Variants in SLC5A11 observed in about 807,000 individuals in gnomAD.
SLC5A11 encodes sodium/myo-inositol cotransporter 2.
SLC5A11 carries 48 observed loss-of-function variants against 69.8 expected under a neutral mutation model. The observed-to-expected ratio is 0.69, with a 90% CI of 0.55 to 0.87. The LOEUF (loss-of-function observed/expected upper bound fraction) is 0.87, where lower values mean the gene tolerates loss of function less well. Among genes scored for constraint, SLC5A11 ranks in the 40% least tolerant of loss-of-function variants. The pLI is 0.00. For synonymous variants in SLC5A11, 319 were observed against 342.4 expected, an observed-to-expected ratio of 0.93 and a Z score of 0.75; for missense variants, 784 against 866.1, an observed-to-expected ratio of 0.91 and a Z score of 1.19.
At chr16:24,907,119 C>T (rs1281698073) in exon 12 of SLC5A11, 2 of 1,614,152 alleles carry the variant, frequency 1.2e-6, no homozygotes, top group Admixed American at 1.7e-5. Flanking sequence ...TCACCATGGA[C>T]CTCTGGAATC....
intron 9 of SLC5A11, 148 bp from the exon 11 acceptor site, chr16:24,897,826 A>T: frequency 1.0e-6 from 1 of 974,126 alleles, no homozygotes; most frequent in Non-Finnish European, 1.5e-6. Flanking sequence ...TATGGAGGAA[A>T]CTGCCCCCAT....
chr16:24,847,329 ATTAT>A (rs2059071886), intron 1 of SLC5A11, among the ~76,000 whole-genome samples: 2 of 68,674 alleles, frequency 2.9e-5, no homozygotes, highest in African/African-American at 5.8e-5. Context: ...TCTCTCTTTT[ATTAT>A]TTATTTCTTC....
At chr16:24,892,820 T>TCCTTTGAGC (rs2048902223) in intron 9 of SLC5A11, among the ~76,000 whole-genome samples, 1 of 152,088 alleles carries the variant, frequency 6.6e-6, no homozygotes, top group Non-Finnish European at 1.5e-5. Flanking sequence ...AGGCCAGCCC[T>TCCTTTGAGC]CCTTTGAGCG....
intron 7 of SLC5A11, among the ~76,000 whole-genome samples, chr16:24,883,518 C>T (rs1246400977): frequency 6.6e-6 from 1 of 152,184 alleles, no homozygotes. Flanking sequence ...TTATTATTCC[C>T]CACAAGTCCA....
intron 7 of SLC5A11, among the ~76,000 whole-genome samples, chr16:24,877,588 G>A (rs1174038948): frequency 6.6e-6 from 1 of 152,224 alleles, no homozygotes; most frequent in South Asian, 2.1e-4. Flanking sequence ...GGTGGCTCAT[G>A]CCCGTAATCC....
chr16:24,847,144 T>C (rs1310051108), intron 1 of SLC5A11, among the ~76,000 whole-genome samples: 1 of 152,084 alleles, frequency 6.6e-6, no homozygotes, highest in African/African-American at 2.4e-5. Flanking sequence ...TCTTTCTTTC[T>C]TTTTCTTTCT....
chr16:24,906,963 C>T lies in SLC5A11; in HGVS notation c.1115-62C>T, dbSNP rs548063260. On this transcript the variant is annotated intron_variant, in intron 11 of 15. Transcript: ENST00000347898. ...AGGTTCTGCCTCCTCCAGTTGAGCC[C>T]ACTGGGATCGGCTGCTTTGGCAGAA... 3.2e-6 allele frequency: 5 copies of T among 1,584,094 alleles called. No homozygotes were observed. In the South Asian group the frequency reaches 4.6e-5, roughly 15 times the overall value.
At chr16:24,906,940 G>A in intron 11 of SLC5A11, 85 bp from the exon 13 acceptor site, 1 of 1,557,628 alleles carries the variant, frequency 6.4e-7, no homozygotes, top group Non-Finnish European at 8.7e-7. Context: ...CCTCCCTGAG[G>A]TTCTGCCTCC....
intron 2 of SLC5A11, among the ~76,000 whole-genome samples, chr16:24,861,033 C>T (rs927522553): frequency 6.6e-6 from 1 of 151,600 alleles, no homozygotes; most frequent in Non-Finnish European, 1.5e-5. Flanking sequence ...ATTTATCTTA[C>T]AATGAATGAG....
chr16:24,849,982 G>T (rs2059232827), intron 1 of SLC5A11, among the ~76,000 whole-genome samples: 1 of 151,904 alleles, frequency 6.6e-6, no homozygotes. Flanking sequence ...TTGAGACAGG[G>T]TCTGGAGTGC....
intron 5 of SLC5A11, among the ~76,000 whole-genome samples, chr16:24,873,681 A>G (rs1217123749): frequency 6.6e-6 from 1 of 151,356 alleles, no homozygotes; most frequent in African/African-American, 2.4e-5. Flanking sequence ...AAAAATCACA[A>G]TGCCTTCCCT....
In SLC5A11 at chr16:24,891,013, C is replaced by T. The variant is rs201564571; in HGVS notation, c.809C>T (p.Pro270Leu). The change falls in exon 9 of 16, where the codon CCG becomes CTG. Residue 270 changes from proline to leucine, a missense_variant. Physicochemically the swap from Pro to Leu is moderately conservative, Grantham distance 98. Transcript: ENST00000347898. ...CGAGATCCGCTGACATCTGATCTCCCGTGGCCGGGGGTCCTATTTGGAATG... is the reference window on the plus strand; with the variant it reads ...CGAGATCCGCTGACATCTGATCTCCTGTGGCCGGGGGTCCTATTTGGAATG... 90 of 1,614,182 alleles carry T rather than the reference C, an allele frequency of 5.6e-5. No homozygotes were observed. In the East Asian group the frequency reaches 1.0e-3, roughly 18 times the overall value.
At chr16:24,879,162 A>G (rs551283007) in intron 7 of SLC5A11, among the ~76,000 whole-genome samples, 2 of 152,160 alleles carry the variant, frequency 1.3e-5, no homozygotes, top group African/African-American at 4.8e-5. Flanking sequence ...TTTACATAGA[A>G]TATTCAGCTA....
At chr16:24,910,172 G>A (rs547013697) in intron 14 of SLC5A11, 134 bp from the exon 16 acceptor site, 6 of 721,142 alleles carry the variant, frequency 8.3e-6, no homozygotes, top group African/African-American at 7.1e-5. Context: ...TGGAGGATGG[G>A]GTGGGAGGGT....
chr16:24,849,396 A>G (rs946736714), intron 1 of SLC5A11, among the ~76,000 whole-genome samples: 1 of 151,094 alleles, frequency 6.6e-6, no homozygotes, highest in East Asian at 1.9e-4. Flanking sequence ...GTGAAACCCC[A>G]TCTCTACTAA....
chr16:24,907,842 C>T, intron 12 of SLC5A11, 121 bp from the exon 14 acceptor site: 3 of 1,308,586 alleles, frequency 2.3e-6, no homozygotes, highest in South Asian at 2.7e-5. Context: ...GCTATGCTCT[C>T]ACCACTGCAC....
exon 16 of SLC5A11, chr16:24,911,397 G>A: frequency 1.2e-6 from 2 of 1,614,082 alleles, no homozygotes; most frequent in East Asian, 2.2e-5. Context: ...CAGGAGAAGG[G>A]CAAGGAAGAG....
intron 1 of SLC5A11, among the ~76,000 whole-genome samples, chr16:24,853,552 A>G (rs2059403283): frequency 6.6e-6 from 1 of 152,146 alleles, no homozygotes; most frequent in African/African-American, 2.4e-5. Flanking sequence ...TGCTTGCAGG[A>G]AAGAAATAGA....
At chr16:24,904,095 A>C (rs2049843159) in intron 10 of SLC5A11, among the ~76,000 whole-genome samples, 1 of 152,166 alleles carries the variant, frequency 6.6e-6, no homozygotes, top group Admixed American at 6.5e-5. Context: ...ATCAGATCTC[A>C]TGAGAACTCA....
Sources: allele counts gnomAD v4.1 joint callset (sites outside exome capture counted in the v4.1 genomes callset), GRCh38; gene constraint gnomAD v4.1.1; transcripts MANE v1.5; gene names NCBI Gene and HGNC (gene_info 2026-07-23, HGNC 2026-07-21).